The following NKAIN3 variants were observed in gnomAD, a reference collection of about 807,000 sequenced individuals.
NKAIN3 encodes sodium/potassium transporting ATPase interacting 3.
In NKAIN3, 25 loss-of-function variants were observed where a neutral mutation model predicts 30.2. The observed-to-expected ratio is 0.83, with a 90% CI of 0.60 to 1.16. The LOEUF is 1.16. Ranked by LOEUF, NKAIN3 falls within the 50% of genes most tolerant of loss-of-function variation. The probability of loss-of-function intolerance (pLI) is 0.00; values close to 1 mark genes in which losing one functional copy is unlikely to be tolerated. For missense variants in NKAIN3, 225 were observed against 254.1 expected (o/e 0.89, Z 0.78); for synonymous variants, 91 against 89.6 (o/e 1.02, Z -0.09).
intron 1 of NKAIN3, among the ~76,000 whole-genome samples, chr8:62,313,638 A>G (rs914356703): frequency 6.6e-6 from 1 of 152,176 alleles, no homozygotes; most frequent in Non-Finnish European, 1.5e-5. Context: ...ATGCAAAGGG[A>G]TGAATGCAAA....
At chr8:62,363,157 A>G (rs772714093) in intron 1 of NKAIN3, among the ~76,000 whole-genome samples, 2 of 152,206 alleles carry the variant, frequency 1.3e-5, no homozygotes, top group Non-Finnish European at 2.9e-5. Context: ...AGAAACAGTT[A>G]TAATTGAGCT....
At chr8:62,427,625 G>T (rs1366801809) in intron 1 of NKAIN3, among the ~76,000 whole-genome samples, 1 of 151,678 alleles carries the variant, frequency 6.6e-6, no homozygotes, top group Non-Finnish European at 1.5e-5. Context: ...TGCTACCTTA[G>T]GTTCTTCCTA....
At chr8:62,666,185 G>A (rs1586066877) in intron 3 of NKAIN3, among the ~76,000 whole-genome samples, 1 of 152,038 alleles carries the variant, frequency 6.6e-6, no homozygotes, top group Non-Finnish European at 1.5e-5. Context: ...TGCACTCCAG[G>A]CTGGGCGACA....
chr8:62,383,090 A>T (rs970749987), intron 1 of NKAIN3, among the ~76,000 whole-genome samples: 2 of 152,142 alleles, frequency 1.3e-5, no homozygotes, highest in African/African-American at 4.8e-5. Flanking sequence ...TTTGGGGGGA[A>T]GTAGACCACT....
chr8:62,816,779 C>A (rs1372653676), intron 4 of NKAIN3, among the ~76,000 whole-genome samples: 1 of 152,118 alleles, frequency 6.6e-6, no homozygotes, highest in Admixed American at 6.6e-5. Flanking sequence ...AGCCCCACGG[C>A]AGGATGCATT....
chr8:62,942,878 A>G (rs1210820043), intron 5 of NKAIN3, among the ~76,000 whole-genome samples: 1 of 152,206 alleles, frequency 6.6e-6, no homozygotes, highest in Non-Finnish European at 1.5e-5. Flanking sequence ...ATGTATAAAA[A>G]GAAACTCAAG....
chr8:62,789,014 G>A (rs1486362230), intron 4 of NKAIN3, among the ~76,000 whole-genome samples: 23 of 151,868 alleles, frequency 1.5e-4, no homozygotes, highest in African/African-American at 3.4e-4. Flanking sequence ...TTGGCAATGC[G>A]GGCTCTTTTT....
chr8:62,862,783 A>G (rs1001679258), intron 4 of NKAIN3, among the ~76,000 whole-genome samples: 2 of 152,232 alleles, frequency 1.3e-5, no homozygotes, highest in Non-Finnish European at 2.9e-5. Context: ...AATGAAAAAG[A>G]TAAGAATATT....
chr8:62,805,747 G>T (rs182061233), intron 4 of NKAIN3, among the ~76,000 whole-genome samples: 10 of 152,282 alleles, frequency 6.6e-5, no homozygotes, highest in African/African-American at 2.4e-4. Flanking sequence ...CCTGGGCAAG[G>T]ACTTCATGTC....
At chr8:62,831,954 G>A (rs1042922634) in intron 4 of NKAIN3, among the ~76,000 whole-genome samples, 70 of 152,092 alleles carry the variant, frequency 4.6e-4, no homozygotes, top group Admixed American at 9.2e-4. Context: ...CAATCTTAAA[G>A]GCAGCTTAAA....
chr8:62,267,388 T>C (rs1812641645), intron 1 of NKAIN3, among the ~76,000 whole-genome samples: 1 of 152,210 alleles, frequency 6.6e-6, no homozygotes, highest in South Asian at 2.1e-4. Context: ...ATTTCAGTGT[T>C]TTTAGGTTAA....
intron 1 of NKAIN3, among the ~76,000 whole-genome samples, chr8:62,523,229 C>T (rs1163594049): frequency 2.6e-5 from 4 of 152,106 alleles, no homozygotes; most frequent in African/African-American, 4.8e-5. Flanking sequence ...CTAGGAGCAG[C>T]GGACTATACT....
At chr8:62,828,464 C>A (rs555180036) in intron 4 of NKAIN3, among the ~76,000 whole-genome samples, 2 of 152,196 alleles carry the variant, frequency 1.3e-5, no homozygotes, top group East Asian at 3.9e-4. Flanking sequence ...TTTCTCTTTA[C>A]AATCACATGG....
At chr8:62,462,047 G>A (rs1038195492) in intron 1 of NKAIN3, among the ~76,000 whole-genome samples, 14 of 151,742 alleles carry the variant, frequency 9.2e-5, no homozygotes, top group African/African-American at 3.4e-4. Context: ...ACTATCAAAA[G>A]GCAAAGACCA....
At chr8:62,638,414 C>T (rs1471489937) in intron 3 of NKAIN3, among the ~76,000 whole-genome samples, 1 of 152,086 alleles carries the variant, frequency 6.6e-6, no homozygotes, top group East Asian at 1.9e-4. Flanking sequence ...AAATGAGAGT[C>T]ACAGAGAGGC....
At position 62,753,250 on chromosome 8, in the gene NKAIN3, T is replaced by C. The variant is rs959730024; in HGVS notation, c.471+6121T>C. 4.0e-5 allele frequency among the ~76,000 whole-genome samples: 6 copies of C among 150,882 alleles called. No homozygotes were observed. The South Asian group carries it at 1.0e-3, about 26-fold the overall frequency. ...CACACACACGCACGCACGCACAGTA[T>C]AGCATTTCCTTTTTCTGCTAGAGAA... On this transcript the variant is annotated intron_variant, in intron 4 of 6. Transcript: ENST00000623646.
At chr8:62,763,730 G>T (rs1185737417) in intron 4 of NKAIN3, among the ~76,000 whole-genome samples, 1 of 152,218 alleles carries the variant, frequency 6.6e-6, no homozygotes, top group Non-Finnish European at 1.5e-5. Context: ...CACAGCTACT[G>T]TTAAGAGTTA....
chr8:62,518,467 A>G (rs1428449686), intron 1 of NKAIN3, among the ~76,000 whole-genome samples: 1 of 152,180 alleles, frequency 6.6e-6, no homozygotes, highest in Admixed American at 6.6e-5. Context: ...ACTGCCAAGT[A>G]TTAATAGTAA....
intron 3 of NKAIN3, among the ~76,000 whole-genome samples, chr8:62,675,294 A>C (rs925883378): frequency 6.6e-6 from 1 of 152,212 alleles, no homozygotes; most frequent in Non-Finnish European, 1.5e-5. Context: ...TCACTGATTT[A>C]TGCTCCTTTA....
Sources: allele counts gnomAD v4.1 joint callset (sites outside exome capture counted in the v4.1 genomes callset), GRCh38; gene constraint gnomAD v4.1.1; transcripts MANE v1.5; gene names NCBI Gene and HGNC (gene_info 2026-07-23, HGNC 2026-07-21).